DNAH9: variants seen among roughly 807,000 people sequenced by gnomAD.
The protein encoded by DNAH9 is DNAH9 variant protein.
DNAH9 carries 345 observed loss-of-function variants against 471.6 expected under a neutral mutation model. The observed-to-expected ratio is 0.73, with a 90% CI of 0.67 to 0.80. The LOEUF (loss-of-function observed/expected upper bound fraction) is 0.80, where lower values mean the gene tolerates loss of function less well. DNAH9 is among the 30% of genes least tolerant of loss of function. The pLI, the probability that DNAH9 is intolerant of heterozygous loss-of-function variation, is 0.00. For missense variants in DNAH9, 5,407 were observed against 5,609.2 expected, an observed-to-expected ratio of 0.96 and a Z score of 1.15; for synonymous variants, 2,093 against 2,123.6, an observed-to-expected ratio of 0.99 and a Z score of 0.40.
rs187145209 is a variant in DNAH9, at chr17:11,781,474, C to T, written c.7718+300C>T. ...TCCGAAGTTGCCTTTTTCACATGCCCGAAGCAGAATTAACCACTTCCCCTG... is the reference window on the plus strand; with the variant it reads ...TCCGAAGTTGCCTTTTTCACATGCCTGAAGCAGAATTAACCACTTCCCCTG... On this transcript the variant is annotated intron_variant, in intron 39 of 68. Transcript: ENST00000262442. 7.2e-5 allele frequency among the ~76,000 whole-genome samples: 11 copies of T among 152,250 alleles called. No individual in the cohort carries two copies. In the East Asian group the frequency reaches 1.5e-3, roughly 21 times the overall value.
intron 48 of DNAH9, among the ~76,000 whole-genome samples, chr17:11,826,454 GGT>G (rs1970496078): frequency 2.5e-5 from 3 of 119,946 alleles, no homozygotes; most frequent in African/African-American, 3.1e-5. Context: ...TCTTTTTCTT[GGT>G]TTTTTTTTTT....
rs377610910 is a variant in DNAH9 at position 11,711,979 on chromosome 17, T to A, written c.5552+6794T>A. On this transcript the variant is annotated intron_variant, in intron 26 of 68. Coordinates refer to ENST00000262442, the MANE Select transcript of DNAH9 (RefSeq NM_001372.4). Reference sequence around the variant, plus strand: ...ATATAAATATATATATTTGTATATATATTTATATATAAATATATATATTTG... The same window carrying A: ...ATATAAATATATATATTTGTATATAAATTTATATATAAATATATATATTTG... 3.1e-3 allele frequency among the ~76,000 whole-genome samples: 16 copies of A among 5,120 alleles called. 7 individuals carry two copies. Among genetic ancestry groups the A allele is most frequent in the Non-Finnish European group, 0.016 (16 of 996 alleles). 3.4% of individuals were successfully genotyped at this position (5,120 alleles called of 152,430 possible).
At chr17:11,841,212 A>C (rs571691427) in intron 49 of DNAH9, among the ~76,000 whole-genome samples, 25 of 152,268 alleles carry the variant, frequency 1.6e-4, no homozygotes, top group African/African-American at 6.0e-4. Context: ...GATCAAAGAA[A>C]ATGATCAAGG....
chr17:11,719,250 G>A, intron 26 of DNAH9, 84 bp from the exon 27 acceptor site: 1 of 1,375,476 alleles, frequency 7.3e-7, no homozygotes, highest in Non-Finnish European at 1.0e-6. Context: ...CAGAAGCTAT[G>A]CCAGATCTCA....
At position 11,694,389 on chromosome 17, in the gene DNAH9, A is replaced by G; in HGVS notation, c.4814A>G (p.Tyr1605Cys). Residue 1605 changes from tyrosine (Y) to cysteine (C), a missense_variant, in exon 22 of 69, where the codon TAC (tyrosine) becomes TGC (cysteine). This residue lies in a region of DNAH9 where 4,636 missense variants were observed against 4,900.3 expected (regional missense o/e 0.95). Coordinates refer to ENST00000262442, the MANE Select transcript of DNAH9 (RefSeq NM_001372.4). The part of the protein sequence containing the change: ...DTKRLAFPRF[Y>C]FLSSSDLLDI... ...AAGAGGCTTGCCTTCCCGCGGTTTT[A>G]CTTTCTCTCCTCCTCCGATCTGTTA... 4 of 1,612,674 alleles carry G rather than the reference A, an allele frequency of 2.5e-6. No homozygotes were observed. Among genetic ancestry groups the G allele is most frequent in the Non-Finnish European group, 3.4e-6 (4 of 1,179,698 alleles).
intron 34 of DNAH9, among the ~76,000 whole-genome samples, chr17:11,757,061 CAAACTT>C (rs755499812): frequency 2.6e-4 from 40 of 151,918 alleles, no homozygotes; most frequent in Non-Finnish European, 5.0e-4. Flanking sequence ...GTGGCAAAAT[CAAACTT>C]AAAGAAGCAG....
chr17:11,803,413 C>T (rs947294111), intron 43 of DNAH9, among the ~76,000 whole-genome samples: 6 of 152,178 alleles, frequency 3.9e-5, no homozygotes, highest in East Asian at 1.9e-4. Context: ...CTCGCACACA[C>T]GCACATGCGT....
chr17:11,910,022 G>A (rs912348715), intron 61 of DNAH9, among the ~76,000 whole-genome samples: 2 of 152,084 alleles, frequency 1.3e-5, no homozygotes, highest in South Asian at 4.1e-4. Context: ...TTTGGGAGGA[G>A]AGGCAGGTGG....
At chr17:11,617,216 A>G (rs1284642755) in intron 4 of DNAH9, among the ~76,000 whole-genome samples, 195 bp from the exon 5 acceptor site, 1 of 152,004 alleles carries the variant, frequency 6.6e-6, no homozygotes, top group Non-Finnish European at 1.5e-5. Context: ...ACAAGACAGA[A>G]CTCTTCAGAT....
At chr17:11,933,735 G>A (rs900317982) in intron 64 of DNAH9, 145 bp from the exon 65 acceptor site, 3 of 730,734 alleles carry the variant, frequency 4.1e-6, no homozygotes, top group African/African-American at 3.6e-5. Flanking sequence ...GGGCACTGAG[G>A]GTATGGAGAA....
In DNAH9 at chr17:11,926,185, G is replaced by C. The variant is rs555816850; in HGVS notation, c.11877+2244G>C. Among the ~76,000 whole-genome samples, 196 of 151,914 alleles carry C rather than the reference G, an allele frequency of 1.3e-3. 2 individuals carry two copies. Among genetic ancestry groups the C allele is most frequent in the African/African-American group, 4.3e-3 (178 of 41,420 alleles). ...AGGCTAATGGTTCTGAGAATCCTTTGGTATAGAAATCTTATTCCATCCAGT... is the reference window on the plus strand; with the variant it reads ...AGGCTAATGGTTCTGAGAATCCTTTCGTATAGAAATCTTATTCCATCCAGT... On this transcript the variant is annotated intron_variant, in intron 62 of 68. Coordinates refer to ENST00000262442, the MANE Select transcript of DNAH9 (RefSeq NM_001372.4).
intron 27 of DNAH9, among the ~76,000 whole-genome samples, chr17:11,727,045 C>A: frequency 2.2e-5 from 1 of 45,168 alleles, no homozygotes; most frequent in Admixed American, 2.3e-4. Context: ...GAGACTCCGT[C>A]TCAAAAAAAA....
chr17:11,737,690 C>G lies in DNAH9; in HGVS notation c.5815-1190C>G, dbSNP rs568578992. ...CTAGAGAGTAATCTAGAACATATAT[C>G]TGACTGGGCCAAGCTTCAGGATAAA... On this transcript the variant is annotated intron_variant, in intron 28 of 68. Transcript: ENST00000262442. Among the ~76,000 whole-genome samples the G allele has an allele frequency of 1.6e-4, 24 of 152,312 alleles. No individual in the cohort carries two copies. The South Asian group carries it at 4.6e-3, about 29-fold the overall frequency.
At chr17:11,888,005 G>GGT (rs1972932218) in intron 57 of DNAH9, among the ~76,000 whole-genome samples, 1 of 149,640 alleles carries the variant, frequency 6.7e-6, no homozygotes, top group East Asian at 2.0e-4. Context: ...TTTTTTGAGA[G>GGT]GGAGTCTCGC....
At chr17:11,905,160 G>T (rs1469153855) in intron 60 of DNAH9, among the ~76,000 whole-genome samples, 4 of 151,978 alleles carry the variant, frequency 2.6e-5, no homozygotes, top group Admixed American at 2.0e-4. Context: ...CTTGAACCCG[G>T]GAGGCAGAGG....
intron 12 of DNAH9, 93 bp from the exon 13 acceptor site, chr17:11,650,976 T>A: frequency 7.5e-7 from 1 of 1,331,778 alleles, no homozygotes; most frequent in East Asian, 2.3e-5. Flanking sequence ...CAGAAGATCT[T>A]TGGGCCTCCT....
intron 28 of DNAH9, among the ~76,000 whole-genome samples, chr17:11,735,994 C>CT (rs914099916): frequency 9.9e-5 from 15 of 151,408 alleles, no homozygotes; most frequent in South Asian, 8.4e-4. Flanking sequence ...AGGCAAGTTT[C>CT]TTTTTTTTTC....
intron 64 of DNAH9, among the ~76,000 whole-genome samples, chr17:11,933,338 C>CTTTCCTG (rs1341191479): frequency 6.6e-6 from 1 of 151,892 alleles, no homozygotes; most frequent in Non-Finnish European, 1.5e-5. Flanking sequence ...GGGTTGGCAA[C>CTTTCCTG]TTTCCTGTCT....
chr17:11,728,526 T>TAAA (rs1295865097), intron 28 of DNAH9, among the ~76,000 whole-genome samples: 17 of 20,942 alleles, frequency 8.1e-4, no homozygotes, highest in African/African-American at 1.1e-3. Flanking sequence ...ATCTCTGACC[T>TAAA]AAAAAAAAAA....
Sources: allele counts gnomAD v4.1 joint callset (sites outside exome capture counted in the v4.1 genomes callset), GRCh38; gene constraint gnomAD v4.1.1; regional missense constraint gnomAD v4.1.1; transcripts MANE v1.5; gene names NCBI Gene and HGNC (gene_info 2026-07-23, HGNC 2026-07-21).